Variants in POMGNT1 observed in about 807,000 individuals in gnomAD.
POMGNT1 encodes the protein protein O-linked mannose N-acetylglucosaminyltransferase 1 (beta 1,2-).
POMGNT1 carries 67 observed loss-of-function variants against 95.6 expected under a neutral mutation model. The ratio of observed to expected loss-of-function variants is 0.70; its 90% CI spans 0.58 to 0.86. The LOEUF is 0.86. Among genes scored for constraint, POMGNT1 ranks in the 40% least tolerant of loss-of-function variants. POMGNT1 has a pLI of 0.00. For missense variants in POMGNT1, 719 were observed against 855.2 expected, an observed-to-expected ratio of 0.84 and a Z score of 1.99; for synonymous variants, 298 against 317.9, an observed-to-expected ratio of 0.94 and a Z score of 0.66.
rs1657619809 is a variant in POMGNT1 at position 46,189,924 on chromosome 1, C to T, written c.1715G>A (p.Gly572Asp). The T allele has an allele frequency of 6.2e-7, 1 of 1,613,952 alleles. No individual in the cohort carries two copies. The highest frequency in any genetic ancestry group is 1.7e-5 in the Admixed American group (1 of 60,002). The stretch of plus-strand genomic sequence containing the variant: ...TCGAATAAAGGCCACGTAGGTGTGG[C>T]CCTCTGTGTCTGGCAGGAAAGAGTC... ...CEDSFLPDTE[G>D]HTYVAFIRME... Residue 572 changes from glycine to aspartate, a missense_variant, in exon 20 of 22, where the codon GGC becomes GAC. Physicochemically the swap from Gly to Asp is moderately conservative, Grantham distance 94 (BLOSUM62 -1). Coordinates refer to ENST00000371984, the MANE Select transcript of POMGNT1 (RefSeq NM_017739.4).
At chr1:46,200,445 C>T (rs553110695), upstream of POMGNT1, among the ~76,000 whole-genome samples, 18 of 152,210 alleles carry the variant, frequency 1.2e-4, no homozygotes, top group Non-Finnish European at 2.1e-4. Flanking sequence ...GGTTCCCCTC[C>T]TCAGTGAACT....
upstream of POMGNT1, among the ~76,000 whole-genome samples, chr1:46,200,769 C>CA (rs1186816908): frequency 6.6e-6 from 1 of 152,226 alleles, no homozygotes; most frequent in Admixed American, 6.5e-5. Flanking sequence ...TCTTGCTTTC[C>CA]AGCCAGTCTC....
At chr1:46,218,554 C>A (rs948592830) in intron 1 of POMGNT1, among the ~76,000 whole-genome samples, 2 of 152,210 alleles carry the variant, frequency 1.3e-5, no homozygotes, top group Non-Finnish European at 2.9e-5. Flanking sequence ...AGATTTCATT[C>A]TCTAAGAGGA....
chr1:46,188,865 C>A lies in POMGNT1; in HGVS notation c.*405G>T, dbSNP rs780383258. ...GGCACAGCAGTTTCCTGAGTAAGAG[C>A]CAGCCCCACCCTCAGGGCAGCATTC... is the stretch of plus-strand genomic sequence containing the variant. On this transcript the variant is annotated 3_prime_UTR_variant, in exon 22 of 22. Transcript: ENST00000371984. The A allele has an allele frequency of 1.2e-6, 2 of 1,612,882 alleles. No individual in the cohort carries two copies. The highest frequency in any genetic ancestry group is 3.3e-5 in the Admixed American group (2 of 60,030).
upstream of POMGNT1, among the ~76,000 whole-genome samples, chr1:46,203,024 T>C (rs1658595018): frequency 6.7e-6 from 1 of 149,628 alleles, no homozygotes; most frequent in African/African-American, 2.5e-5. Context: ...CCAAGCCCTC[T>C]GCAGCTCTCT....
intron 1 of POMGNT1, among the ~76,000 whole-genome samples, chr1:46,216,175 T>C (rs1005553443): frequency 2.0e-5 from 3 of 146,506 alleles, no homozygotes; most frequent in African/African-American, 5.1e-5. Flanking sequence ...ACCTCCCGAG[T>C]AGCTGAGACT....
intron 1 of POMGNT1, among the ~76,000 whole-genome samples, chr1:46,219,278 A>G (rs529568894): frequency 1.3e-5 from 2 of 151,768 alleles, no homozygotes; most frequent in African/African-American, 4.8e-5. Flanking sequence ...CTGGACAACA[A>G]GAGCGAAACT....
intron 7 of POMGNT1, 38 bp downstream of exon 7, chr1:46,194,806 C>T (rs199703237): frequency 6.8e-6 from 11 of 1,613,784 alleles, no homozygotes; most frequent in Admixed American, 5.0e-5. Flanking sequence ...CTCCCAGGCT[C>T]TTGATACTAC....
chr1:46,216,223 T>C (rs997398626), intron 1 of POMGNT1, among the ~76,000 whole-genome samples: 5 of 152,038 alleles, frequency 3.3e-5, no homozygotes, highest in African/African-American at 1.2e-4. Context: ...ATTTTTTGTA[T>C]TTTTAGTAGA....
rs1394939196 is a variant in POMGNT1, at chr1:46,191,586, T to C, written c.1539+512A>G. The C allele has an allele frequency of 2.6e-5, 6 of 228,764 alleles. 1 individual carries two copies. In the Admixed American group the frequency reaches 3.1e-4, roughly 12 times the overall value. The allele number at this position is 228,764 out of a possible 1,614,324, so 14.2% of individuals were successfully genotyped here. On this transcript the variant is annotated intron_variant, in intron 17 of 21. Coordinates refer to ENST00000371984, the MANE Select transcript of POMGNT1 (RefSeq NM_017739.4). The stretch of plus-strand genomic sequence containing the variant: ...TATAATTCAAAGCACTTTACATATA[T>C]TGACTCATTTAAACCTCAAAATATC...
At chr1:46,218,021 G>T (rs183428721) in intron 1 of POMGNT1, among the ~76,000 whole-genome samples, 1 of 152,296 alleles carries the variant, frequency 6.6e-6, no homozygotes, top group East Asian at 1.9e-4. Context: ...TTTCTGGGAA[G>T]TAGGACCAGG....
upstream of POMGNT1, among the ~76,000 whole-genome samples, chr1:46,199,931 A>G (rs76981278): frequency 5.3e-3 from 805 of 152,254 alleles, 6 homozygotes; most frequent in Middle Eastern, 0.041. Flanking sequence ...GCAGGTTGGG[A>G]GGCCGAGGTG....
At chr1:46,204,373 G>A (rs1658648429) in intron 1 of POMGNT1, among the ~76,000 whole-genome samples, 1 of 152,162 alleles carries the variant, frequency 6.6e-6, no homozygotes, top group South Asian at 2.1e-4. Context: ...GAGCCAAAAG[G>A]GCAGCCGAGG....
At position 46,188,941 on chromosome 1, in the gene POMGNT1, C is replaced by G. The variant is rs1449694342; in HGVS notation, c.*329G>C. On this transcript the variant is annotated 3_prime_UTR_variant, in exon 22 of 22. Transcript: ENST00000371984. ...CCAGGTTCGGCCTGTTTTCAAGGCC[C>G]TCAGGACAGTCAATAAATAGGTTAG... The G allele has an allele frequency of 1.2e-6, 2 of 1,612,666 alleles. No homozygotes were observed. Among genetic ancestry groups the G allele is most frequent in the Admixed American group, 1.7e-5 (1 of 59,998 alleles).
rs766816093 is a variant in POMGNT1 at position 46,195,762 on chromosome 1, A to C, written c.534+49T>G. ...GGGCAGAGAAGCCGGGGCTAGAAGC[A>C]GGGTTGGAGCTAGGGAGTAGGGGTC... On this transcript the variant is annotated intron_variant, in intron 6 of 21. Transcript: ENST00000371984. The C allele has an allele frequency of 1.7e-5, 25 of 1,504,618 alleles. No homozygotes were observed. The South Asian group carries it at 3.0e-4, about 18-fold the overall frequency. 93.2% of individuals were successfully genotyped at this position (1,504,618 alleles called of 1,614,324 possible).
chr1:46,193,979 C>T, intron 9 of POMGNT1, 54 bp from the exon 10 acceptor site: 1 of 1,605,926 alleles, frequency 6.2e-7, no homozygotes, highest in South Asian at 1.1e-5. Flanking sequence ...AAACTGGGAT[C>T]CCCACCTAGG....
chr1:46,190,058 G>T (rs572093061), intron 19 of POMGNT1, 69 bp from the exon 20 acceptor site: 6 of 1,489,696 alleles, frequency 4.0e-6, no homozygotes, highest in African/African-American at 1.4e-5. Flanking sequence ...ACAGGACCCT[G>T]TACTTGGTTG....
intron 1 of POMGNT1, among the ~76,000 whole-genome samples, chr1:46,214,949 G>A (rs1163229104): frequency 6.7e-6 from 1 of 149,566 alleles, no homozygotes; most frequent in African/African-American, 2.5e-5. Context: ...AGATGTGACT[G>A]GGTGCTGTGG....
At chr1:46,202,914 G>GT (rs1658583177), upstream of POMGNT1, among the ~76,000 whole-genome samples, 1 of 104,126 alleles carries the variant, frequency 9.6e-6, no homozygotes, top group Non-Finnish European at 2.0e-5. Flanking sequence ...CCTGGGGGGG[G>GT]GGGGTGGTGT....
Sources: allele counts gnomAD v4.1 joint callset (sites outside exome capture counted in the v4.1 genomes callset), GRCh38; gene constraint gnomAD v4.1.1; transcripts MANE v1.5; gene names NCBI Gene and HGNC (gene_info 2026-07-23, HGNC 2026-07-21).